SMAD2: variants seen among roughly 807,000 people sequenced by gnomAD.
SMAD2 encodes the protein MAD homolog 2.
In SMAD2, 8 loss-of-function variants were observed where a neutral mutation model predicts 64.4. The ratio of observed to expected loss-of-function variants is 0.12; its 90% confidence interval spans 0.07 to 0.22. The LOEUF (loss-of-function observed/expected upper bound fraction) is 0.22. Among genes scored for constraint, SMAD2 ranks in the 10% least tolerant of loss-of-function variants. The probability of loss-of-function intolerance (pLI) is 1.00; values close to 1 mark genes in which losing one functional copy is unlikely to be tolerated. For synonymous variants in SMAD2, 203 were observed against 195.8 expected, an observed-to-expected ratio of 1.04 and a Z score of -0.31; for missense variants, 289 against 561.2, an observed-to-expected ratio of 0.51 and a Z score of 4.90.
intron 1 of SMAD2, among the ~76,000 whole-genome samples, chr18:47,916,344 T>C (rs2034334886): frequency 6.6e-6 from 1 of 152,194 alleles, no homozygotes; most frequent in Non-Finnish European, 1.5e-5. Context: ...GGGGTCTTCA[T>C]TTGTAGTCTG....
Position 47,833,518 on chromosome 18 carries a change from TC to T in SMAD2, c.*8308del, listed in dbSNP as rs1196815233. 4.3e-6 allele frequency: 1 copy of T among 230,212 alleles called. No homozygotes were observed. Among genetic ancestry groups the T allele is most frequent in the Non-Finnish European group, 8.6e-6 (1 of 115,900 alleles). The allele number at this position is 230,212 out of a possible 1,614,324, so 14.3% of individuals were successfully genotyped here. ...ACCAAGGATGCAGCCACTAAGGACT[TC>T]CAGAGGGAAACAAGAACAGGGTCTG... On this transcript the variant is annotated 3_prime_UTR_variant, in exon 11 of 11. Transcript: ENST00000262160.
At chr18:47,906,917 C>T (rs756932615) in intron 1 of SMAD2, among the ~76,000 whole-genome samples, 1 of 152,082 alleles carries the variant, frequency 6.6e-6, no homozygotes, top group Non-Finnish European at 1.5e-5. Context: ...ATTTAAAGCC[C>T]ACCCAGATAA....
Position 47,830,197 on chromosome 18 carries a change from A to T in SMAD2, c.*11630T>A, listed in dbSNP as rs190704356. On this transcript the variant is annotated 3_prime_UTR_variant, in exon 11 of 11. Coordinates refer to ENST00000262160, the MANE Select transcript of SMAD2 (RefSeq NM_005901.6). Reference sequence around the variant, plus strand: ...AGCTTGTGGTTCTTGGGTAAAACAGACACTAATAAGTTTTTTTTCAATATA... The same window carrying T: ...AGCTTGTGGTTCTTGGGTAAAACAGTCACTAATAAGTTTTTTTTCAATATA... 12 of 152,332 alleles carry T rather than the reference A, an allele frequency of 7.9e-5. No individual in the cohort carries two copies. The East Asian group carries it at 2.3e-3, about 29-fold the overall frequency. 9.4% of individuals were successfully genotyped at this position (152,332 alleles called of 1,614,324 possible).
In SMAD2 at chr18:47,834,152, C is replaced by T. The variant is rs148860125; in HGVS notation, c.*7675G>A. 6.0e-3 allele frequency: 1,281 copies of T among 213,056 alleles called. 10 individuals carry two copies. Among genetic ancestry groups the T allele is most frequent in the African/African-American group, 0.027 (1,186 of 44,178 alleles). 13.2% of individuals were successfully genotyped at this position (213,056 alleles called of 1,614,324 possible). On this transcript the variant is annotated 3_prime_UTR_variant, in exon 11 of 11. Coordinates refer to ENST00000262160, the MANE Select transcript of SMAD2 (RefSeq NM_005901.6). ...ATCAGAAATGTTGACAGCCATAGTG[C>T]AGCTGAGTTTAGAAGCAACTATGAC... is the stretch of plus-strand genomic sequence containing the variant.
At chr18:47,855,998 T>C (rs568241158) in intron 6 of SMAD2, among the ~76,000 whole-genome samples, 2 of 152,052 alleles carry the variant, frequency 1.3e-5, no homozygotes, top group East Asian at 3.9e-4. Context: ...AATAAAGAAA[T>C]GGAGGGTTAT....
At chr18:47,842,062 A>G in intron 10 of SMAD2, 112 bp from the exon 11 acceptor site, 1 of 1,251,198 alleles carries the variant, frequency 8.0e-7, no homozygotes, top group Non-Finnish European at 1.1e-6. Context: ...AAGGTTGTGT[A>G]TATAATTTTG....
intron 6 of SMAD2, among the ~76,000 whole-genome samples, chr18:47,855,378 GAAGC>G (rs2030579308): frequency 6.6e-6 from 1 of 152,146 alleles, no homozygotes; most frequent in Admixed American, 6.5e-5. Flanking sequence ...ATACCAAGGA[GAAGC>G]AAGACTGCTA....
rs556591873 is a variant in SMAD2 at position 47,872,195 on chromosome 18, C to T, written c.237-1631G>A. 1.6e-4 allele frequency among the ~76,000 whole-genome samples: 25 copies of T among 152,178 alleles called. 1 individual carries two copies. The South Asian group carries it at 5.2e-3, about 32-fold the overall frequency. On this transcript the variant is annotated intron_variant, in intron 2 of 10. Transcript: ENST00000262160. ...CATAGGGTATATTTAAGCCTCAGTT[C>T]CATCATTATCATGCCTAACAAAATT...
At chr18:47,901,297 T>C (rs1598864125) in intron 1 of SMAD2, among the ~76,000 whole-genome samples, 1 of 152,312 alleles carries the variant, frequency 6.6e-6, no homozygotes, top group East Asian at 1.9e-4. Context: ...TATTAAAGTC[T>C]CCTTTGCCTG....
Position 47,834,902 on chromosome 18 carries a change from G to T in SMAD2, c.*6925C>A. 5 of 223,034 alleles carry T rather than the reference G, an allele frequency of 2.2e-5. No homozygotes were observed. The highest frequency in any genetic ancestry group is 1.1e-4 in the African/African-American group (5 of 44,884). The allele number at this position is 223,034 out of a possible 1,614,324, so 13.8% of individuals were successfully genotyped here. On this transcript the variant is annotated 3_prime_UTR_variant, in exon 11 of 11. Transcript: ENST00000262160. Reference sequence around the variant, plus strand: ...TGCATTATATATTAAAACAAAGGCTGCCAGCTGGAGACACAGCCCTCCGAT... The same window carrying T: ...TGCATTATATATTAAAACAAAGGCTTCCAGCTGGAGACACAGCCCTCCGAT...
intron 1 of SMAD2, among the ~76,000 whole-genome samples, chr18:47,917,524 TTTTTC>T (rs756221261): frequency 6.6e-6 from 1 of 152,194 alleles, no homozygotes; most frequent in Non-Finnish European, 1.5e-5. Context: ...TACCTATGCA[TTTTTC>T]TTTTCTTTTT....
In SMAD2 at chr18:47,842,839, C is replaced by CT. The variant is rs538526671; in HGVS notation, c.1281-890dup. ...TAGTGCTTCAACAAAAGGGGCAACT[C>CT]TAAGAGAATTACAAATTATTCAATG... On this transcript the variant is annotated intron_variant, in intron 10 of 10. Transcript: ENST00000262160. Among the ~76,000 whole-genome samples, 388 of 152,282 alleles carry CT rather than the reference C, an allele frequency of 2.5e-3. 1 individual carries two copies. Among genetic ancestry groups the CT allele is most frequent in the Non-Finnish European group, 4.4e-3 (301 of 68,024 alleles).
chr18:47,842,006 A>T (rs201836088), intron 10 of SMAD2, 56 bp from the exon 11 acceptor site: 1 of 1,596,986 alleles, frequency 6.3e-7, no homozygotes, highest in Non-Finnish European at 8.6e-7. Flanking sequence ...AGGCAGGGAA[A>T]ATGGCTATGT....
intron 2 of SMAD2, among the ~76,000 whole-genome samples, chr18:47,874,834 A>G (rs988360385): frequency 6.6e-6 from 1 of 152,198 alleles, no homozygotes; most frequent in African/African-American, 2.4e-5. Context: ...GTATGTGTAT[A>G]CATACATAAA....
At chr18:47,924,824 C>G (rs984419957) in intron 1 of SMAD2, among the ~76,000 whole-genome samples, 6 of 152,222 alleles carry the variant, frequency 3.9e-5, no homozygotes, top group African/African-American at 1.2e-4. Context: ...TTGATATTTA[C>G]AAGACCTTAA....
rs1170448753 is a variant in SMAD2, at chr18:47,832,858, T to C, written c.*8969A>G. On this transcript the variant is annotated 3_prime_UTR_variant, in exon 11 of 11. Coordinates refer to ENST00000262160, the MANE Select transcript of SMAD2 (RefSeq NM_005901.6). ...CTGTGCAGTGTGTGGTGTGCGCCTG[T>C]TGTGGGGTTATATTAAGTAGTATAA... 1 of 153,680 alleles carries C rather than the reference T, an allele frequency of 6.5e-6. No homozygotes were observed. Among genetic ancestry groups the C allele is most frequent in the East Asian group, 1.8e-4 (1 of 5,482 alleles). 9.5% of individuals were successfully genotyped at this position (153,680 alleles called of 1,614,324 possible).
rs1260851803 is a variant in SMAD2, at chr18:47,818,070, C to T, written c.*23757G>A. ...AGAGATTGTCTATGCTTTGTCTAAA[C>T]TCCCCAAGCTTTTTTATTCTTAGTA... On this transcript the variant is annotated 3_prime_UTR_variant, in exon 11 of 11. Transcript: ENST00000262160. The T allele has an allele frequency of 2.0e-5, 3 of 152,204 alleles. No individual in the cohort carries two copies. 9.4% of individuals were successfully genotyped at this position (152,204 alleles called of 1,614,324 possible).
intron 6 of SMAD2, among the ~76,000 whole-genome samples, chr18:47,859,921 T>C (rs1181068205): frequency 2.6e-5 from 4 of 152,202 alleles, no homozygotes; most frequent in African/African-American, 9.6e-5. Flanking sequence ...GAAATAACTT[T>C]ATATCAATAC....
At chr18:47,905,024 A>G (rs890901161) in intron 1 of SMAD2, among the ~76,000 whole-genome samples, 4 of 152,222 alleles carry the variant, frequency 2.6e-5, no homozygotes, top group African/African-American at 9.6e-5. Flanking sequence ...CAGGACAACT[A>G]TGCAACAAAG....
Sources: allele counts gnomAD v4.1 joint callset (sites outside exome capture counted in the v4.1 genomes callset), GRCh38; gene constraint gnomAD v4.1.1; transcripts MANE v1.5; gene names NCBI Gene and HGNC (gene_info 2026-07-23, HGNC 2026-07-21).